CELSR1: variants seen among roughly 807,000 people sequenced by gnomAD.
CELSR1 encodes the protein cadherin EGF LAG seven-pass G-type receptor 1.
Under a neutral mutation model 249.1 loss-of-function variants are expected in CELSR1, and 110 were observed. The observed-to-expected ratio is 0.44, with a 90% CI of 0.38 to 0.52. CELSR1 has a LOEUF of 0.52. CELSR1 is among the 20% of genes least tolerant of loss of function. CELSR1 has a pLI of 0.00. For synonymous variants in CELSR1, 2,113 were observed against 1,900.0 expected, an observed-to-expected ratio of 1.11 and a Z score of -2.92; for missense variants, 4,109 against 4,296.4, an observed-to-expected ratio of 0.96 and a Z score of 1.22.
chr22:46,440,761 G>A lies in CELSR1; in HGVS notation c.4184-1350C>T, dbSNP rs1371476010. On this transcript the variant is annotated intron_variant, in intron 2 of 34. Transcript: ENST00000674500. The surrounding 1 kb of genome is among the most constrained non-coding windows in gnomAD (Gnocchi z 4.7). ...TCCCCCAGCTTAATGTTTAACATTA[G>A]GTTTTATGTATTTGTAGCCCCACAG... Among the ~76,000 whole-genome samples, 1 of 152,106 alleles carries A rather than the reference G, an allele frequency of 6.6e-6. No individual in the cohort carries two copies. Among genetic ancestry groups the A allele is most frequent in the Non-Finnish European group, 1.5e-5 (1 of 68,022 alleles).
At chr22:46,482,639 C>T (rs1200919374) in intron 1 of CELSR1, among the ~76,000 whole-genome samples, 2 of 152,090 alleles carry the variant, frequency 1.3e-5, no homozygotes, top group East Asian at 3.9e-4. Context: ...CACTTGAACC[C>T]AGGAGGCAAA....
Position 46,437,948 on chromosome 22 carries a change from C to T in CELSR1, c.4406+1241G>A, listed in dbSNP as rs993757992. Among the ~76,000 whole-genome samples the T allele has an allele frequency of 2.0e-5, 3 of 152,136 alleles. No individual in the cohort carries two copies. Among genetic ancestry groups the T allele is most frequent in the African/African-American group, 4.8e-5 (2 of 41,418 alleles). On this transcript the variant is annotated intron_variant, in intron 3 of 34. Transcript: ENST00000674500. This position sits in a 1 kb window ranked among gnomAD's most constrained non-coding sequence, Gnocchi z 4.9. ...TGCAGGCTTGTTTCCTGAGACTCAG[C>T]CCCTGGGTCATACCTGATTGCCTTT...
chr22:46,447,745 G>A lies in CELSR1; in HGVS notation c.4184-8334C>T, dbSNP rs377660476. Among the ~76,000 whole-genome samples, 4 of 152,144 alleles carry A rather than the reference G, an allele frequency of 2.6e-5. No homozygotes were observed. The highest frequency in any genetic ancestry group is 1.9e-4 in the East Asian group (1 of 5,174). On this transcript the variant is annotated intron_variant, in intron 2 of 34. Coordinates refer to ENST00000674500, the MANE Select transcript of CELSR1 (RefSeq NM_001378328.1). This position sits in a 1 kb window ranked among gnomAD's most constrained non-coding sequence, Gnocchi z 4.7. ...AGCGATTCTCCTGCCTCAGCCTCCC[G>A]AGTTGCTGGGATTACAGGTGCACAC...
chr22:46,467,247 A>G (rs750296670), intron 1 of CELSR1, among the ~76,000 whole-genome samples: 18 of 152,192 alleles, frequency 1.2e-4, no homozygotes, highest in Non-Finnish European at 2.4e-4. Context: ...TCCTTTGCCA[A>G]AAATAAATTG....
In CELSR1 at chr22:46,433,552, C is replaced by T. The variant is rs1182568108; in HGVS notation, c.4523-71G>A. 4.9e-6 allele frequency: 6 copies of T among 1,214,842 alleles called. No individual in the cohort carries two copies. In the East Asian group the frequency reaches 1.3e-4, roughly 25 times the overall value. The allele number at this position is 1,214,842 out of a possible 1,614,324, so 75.3% of individuals were successfully genotyped here. A position where few individuals can be genotyped will look rare whatever the true frequency, so the allele number is the denominator to read the frequency against. On this transcript the variant is annotated intron_variant, in intron 4 of 34. Transcript: ENST00000674500. This position sits in a 1 kb window ranked among gnomAD's most constrained non-coding sequence, Gnocchi z 5.7. ...GGCCTACTGGGGACCGAGGATTGCG[C>T]TGTGAGGCATCAGGGGGAGACAGGT...
rs899012026 is a variant in CELSR1 at position 46,381,371 on chromosome 22, T to A, written c.7089-416A>T. Among the ~76,000 whole-genome samples, 1 of 151,874 alleles carries A rather than the reference T, an allele frequency of 6.6e-6. No individual in the cohort carries two copies. Among genetic ancestry groups the A allele is most frequent in the Non-Finnish European group, 1.5e-5 (1 of 67,972 alleles). ...CGAGGATCCCAGAGCCAGGGAAGTA[T>A]CTGGGAAATGGCAGGAAGAAGGAGG... On this transcript the variant is annotated intron_variant, in intron 21 of 34. Coordinates refer to ENST00000674500, the MANE Select transcript of CELSR1 (RefSeq NM_001378328.1). The surrounding 1 kb of genome is among the most constrained non-coding windows in gnomAD (Gnocchi z 6.0).
Position 46,417,543 on chromosome 22 carries a change from G to C in CELSR1, c.4612-5784C>G, listed in dbSNP as rs78203454. 0.2 allele frequency among the ~76,000 whole-genome samples: 30,104 copies of C among 152,064 alleles called. 3,391 individuals carry two copies. Among genetic ancestry groups the C allele is most frequent in the African/African-American group, 0.3 (12,483 of 41,458 alleles). On this transcript the variant is annotated intron_variant, in intron 5 of 34. Coordinates refer to ENST00000674500, the MANE Select transcript of CELSR1 (RefSeq NM_001378328.1). The surrounding 1 kb of genome is among the most constrained non-coding windows in gnomAD (Gnocchi z 4.1). ...CCCCCAGGGCTGTCAGCAGCAAACC[G>C]TCTGGAAGCCCAACTGAGCCACTGG...
chr22:46,393,126 C>G lies in CELSR1; in HGVS notation c.5964+1016G>C, dbSNP rs16995175. ...TACCAGCTTCCCTCCTAGGGCCAGC[C>G]GCATCTGCAGGAAGCTCACGTCCCT... On this transcript the variant is annotated intron_variant, in intron 14 of 34. Transcript: ENST00000674500. The surrounding 1 kb of genome is among the most constrained non-coding windows in gnomAD (Gnocchi z 4.1). Among the ~76,000 whole-genome samples, 10,126 of 152,196 alleles carry G rather than the reference C, an allele frequency of 0.067. 1,097 individuals carry two copies. The highest frequency in any genetic ancestry group is 0.23 in the African/African-American group (9,488 of 41,496).
In CELSR1 at chr22:46,363,924, G is replaced by A. The variant is rs951484062; in HGVS notation, c.9035+72C>T. The A allele has an allele frequency of 1.4e-6, 2 of 1,452,456 alleles. No homozygotes were observed. The highest frequency in any genetic ancestry group is 1.8e-6 in the Non-Finnish European group (2 of 1,096,664). The allele number at this position is 1,452,456 out of a possible 1,614,324, so 90.0% of individuals were successfully genotyped here. A position where few individuals can be genotyped will look rare whatever the true frequency, so the allele number is the denominator to read the frequency against. ...GGTGGGTGTCAGGTCCCTGACCACTGCCCCCTCTCTCTCCTGACTCAGGAC... is the reference window on the plus strand; with the variant it reads ...GGTGGGTGTCAGGTCCCTGACCACTACCCCCTCTCTCTCCTGACTCAGGAC... On this transcript the variant is annotated intron_variant, in intron 34 of 34. Coordinates refer to ENST00000674500, the MANE Select transcript of CELSR1 (RefSeq NM_001378328.1). This position sits in a 1 kb window ranked among gnomAD's most constrained non-coding sequence, Gnocchi z 4.3.
intron 1 of CELSR1, among the ~76,000 whole-genome samples, chr22:46,525,187 G>A (rs546219818): frequency 2.0e-5 from 3 of 152,170 alleles, no homozygotes; most frequent in Non-Finnish European, 2.9e-5. Flanking sequence ...GGTGGCTCAC[G>A]CCTATAATCC....
chr22:46,370,946 T>G (rs896395178), intron 25 of CELSR1, among the ~76,000 whole-genome samples: 1 of 152,110 alleles, frequency 6.6e-6, no homozygotes, highest in Non-Finnish European at 1.5e-5. Flanking sequence ...GGATTTAGAG[T>G]CCAAAGGGCA....
At position 46,486,919 on chromosome 22, in the gene CELSR1, A is replaced by G. The variant is rs375298787; in HGVS notation, c.3545-22574T>C. Among the ~76,000 whole-genome samples the G allele has an allele frequency of 1.2e-4, 18 of 152,210 alleles. No homozygotes were observed. The East Asian group carries it at 2.5e-3, about 21-fold the overall frequency. ...TGTCTTCTGAAATGCCTCCAGGCCC[A>G]TATTCCCCCACCTCTCTCCAACAGT... On this transcript the variant is annotated intron_variant, in intron 1 of 34. Coordinates refer to ENST00000674500, the MANE Select transcript of CELSR1 (RefSeq NM_001378328.1).
Position 46,398,511 on chromosome 22 carries a change from A to G in CELSR1, c.5526+13T>C, listed in dbSNP as rs776168281. 8.8e-6 allele frequency: 11 copies of G among 1,249,488 alleles called. No individual in the cohort carries two copies. The East Asian group carries it at 2.6e-4, about 30-fold the overall frequency. 77.4% of individuals were successfully genotyped at this position (1,249,488 alleles called of 1,614,324 possible). On this transcript the variant is annotated intron_variant, in intron 11 of 34. Coordinates refer to ENST00000674500, the MANE Select transcript of CELSR1 (RefSeq NM_001378328.1). This position sits in a 1 kb window ranked among gnomAD's most constrained non-coding sequence, Gnocchi z 7.2. Reference sequence around the variant, plus strand: ...GGGCAGGCCTCCCCCCGCCCCCCACAACCCCCACGCACCTGCATGCAGCCT... The same window carrying G: ...GGGCAGGCCTCCCCCCGCCCCCCACGACCCCCACGCACCTGCATGCAGCCT...
Position 46,389,402 on chromosome 22 carries a change from A to G in CELSR1, c.6443T>C (p.Leu2148Pro), listed in dbSNP as rs2079064827. ...LRSATQHTGT[L>P]FGNDVRTAYQ... is the part of the protein sequence containing the mutation. ...GGCCGTGCGCACGTCATTGCCAAAG[A>G]GCGTGCCCGTGTGCTGTGTAGCACT... The change falls in exon 18 of 35, where the codon CTC becomes CCC. Residue 2148 changes from leucine (L) to proline (P), a missense_variant. This residue lies in a region of CELSR1 where 1,805 missense variants were observed against 1,831.6 expected (regional missense o/e 0.99). Transcript: ENST00000674500. The G allele has an allele frequency of 6.2e-7, 1 of 1,612,234 alleles. No homozygotes were observed. The highest frequency in any genetic ancestry group is 8.5e-7 in the Non-Finnish European group (1 of 1,179,948).
chr22:46,407,862 A>G lies in CELSR1; in HGVS notation c.5226+1134T>C, dbSNP rs919988708. On this transcript the variant is annotated intron_variant, in intron 9 of 34. Coordinates refer to ENST00000674500, the MANE Select transcript of CELSR1 (RefSeq NM_001378328.1). This position sits in a 1 kb window ranked among gnomAD's most constrained non-coding sequence, Gnocchi z 4.8. ...CTAGACCCTGATCAGAAAGGGTCAC[A>G]GCAGCTGGGTTTACAGGAGAGCGCC... is the stretch of plus-strand genomic sequence containing the variant. 6.6e-6 allele frequency among the ~76,000 whole-genome samples: 1 copy of G among 152,204 alleles called. No homozygotes were observed. Among genetic ancestry groups the G allele is most frequent in the African/African-American group, 2.4e-5 (1 of 41,452 alleles).
chr22:46,455,500 G>T (rs1009684952), intron 2 of CELSR1, among the ~76,000 whole-genome samples: 2 of 152,198 alleles, frequency 1.3e-5, no homozygotes, highest in Non-Finnish European at 2.9e-5. Flanking sequence ...AAAGTGATAG[G>T]ATTACAGAGG....
In CELSR1 at chr22:46,412,871, T is replaced by A. The variant is rs529602002; in HGVS notation, c.4612-1112A>T. Reference sequence around the variant, plus strand: ...CACAACCTGGATAACAAGACCTACATCCCACAGGTGGCCGTGACGATGAGC... The same window carrying A: ...CACAACCTGGATAACAAGACCTACAACCCACAGGTGGCCGTGACGATGAGC... On this transcript the variant is annotated intron_variant, in intron 5 of 34. Coordinates refer to ENST00000674500, the MANE Select transcript of CELSR1 (RefSeq NM_001378328.1). This position sits in a 1 kb window ranked among gnomAD's most constrained non-coding sequence, Gnocchi z 4.5. Among the ~76,000 whole-genome samples the A allele has an allele frequency of 2.0e-4, 31 of 152,286 alleles. No homozygotes were observed. The highest frequency in any genetic ancestry group is 3.4e-3 in the Middle Eastern group (1 of 294).
At chr22:46,507,290 G>A (rs1455043051) in intron 1 of CELSR1, among the ~76,000 whole-genome samples, 1 of 152,156 alleles carries the variant, frequency 6.6e-6, no homozygotes, top group Non-Finnish European at 1.5e-5. Flanking sequence ...GAGAAGCCAC[G>A]GCTGGGGGGC....
rs757101494 is a variant in CELSR1, at chr22:46,484,722, C to T, written c.3545-20377G>A. ...GCTGGAGTGAGCGCTCACAGGGACC[C>T]CGCCCAGGTGCTGGGGAGGTCCGGC... On this transcript the variant is annotated intron_variant, in intron 1 of 34. Coordinates refer to ENST00000674500, the MANE Select transcript of CELSR1 (RefSeq NM_001378328.1). This position sits in a 1 kb window ranked among gnomAD's most constrained non-coding sequence, Gnocchi z 4.5. 1.4e-5 allele frequency among the ~76,000 whole-genome samples: 2 copies of T among 139,056 alleles called. No individual in the cohort carries two copies. The highest frequency in any genetic ancestry group is 3.1e-5 in the Non-Finnish European group (2 of 64,740). 91.2% of individuals were successfully genotyped at this position (139,056 alleles called of 152,430 possible).
Sources: gnomAD v4.1 joint callset for allele counts (sites outside exome capture counted in the v4.1 genomes callset) on GRCh38, gnomAD v4.1.1 for gene constraint, gnomAD v4.1.1 regional missense constraint, Gnocchi (gnomAD v3.1) non-coding constraint, MANE v1.5 for transcripts, NCBI Gene and HGNC (gene_info 2026-07-23, HGNC 2026-07-21) for gene names.